Variants in SHANK2 observed in about 807,000 individuals in gnomAD.
The protein encoded by SHANK2 is SH3 and multiple ankyrin repeat domains protein 2.
In SHANK2, 43 loss-of-function variants were observed where a neutral mutation model predicts 133.7. That is an observed-to-expected ratio of 0.32 (90% CI 0.25 to 0.41). SHANK2 has a LOEUF of 0.41. SHANK2 is among the 10% of genes least tolerant of loss of function. The pLI is 1.00. For missense variants in SHANK2, 1,994 were observed against 2,235.8 expected, an observed-to-expected ratio of 0.89 and a Z score of 2.18; for synonymous variants, 1,017 against 952.8, an observed-to-expected ratio of 1.07 and a Z score of -1.24.
chr11:71,224,236 G>A (rs1954604017), intron 2 of SHANK2, among the ~76,000 whole-genome samples: 1 of 152,158 alleles, frequency 6.6e-6, no homozygotes, highest in East Asian at 1.9e-4. Flanking sequence ...CACAGAGGAG[G>A]CGCTCAAGAA....
chr11:70,533,751 A>G (rs2135988883), intron 17 of SHANK2, among the ~76,000 whole-genome samples: 1 of 151,986 alleles, frequency 6.6e-6, no homozygotes, highest in South Asian at 2.1e-4. Flanking sequence ...TCATCCCCCT[A>G]CAAGGAAACC....
At chr11:70,777,165 A>C in intron 14 of SHANK2, among the ~76,000 whole-genome samples, 1 of 149,428 alleles carries the variant, frequency 6.7e-6, no homozygotes, top group Non-Finnish European at 1.5e-5. Context: ...CCATCCACTC[A>C]CTCACTCATC....
In SHANK2 at chr11:71,058,621, T is replaced by C. The variant is rs897733044; in HGVS notation, c.1030-2063A>G. On this transcript the variant is annotated intron_variant, in intron 9 of 25. Coordinates refer to ENST00000601538, the MANE Select transcript of SHANK2 (RefSeq NM_012309.5). ...ACACCGGGCTGGGGGCACCTTCTCCTACAGGACTCAGGGCCTCAGCGCAGG... is the reference window on the plus strand; with the variant it reads ...ACACCGGGCTGGGGGCACCTTCTCCCACAGGACTCAGGGCCTCAGCGCAGG... 5.0e-3 allele frequency among the ~76,000 whole-genome samples: 758 copies of C among 152,342 alleles called. 3 individuals are homozygous for C. Among genetic ancestry groups the C allele is most frequent in the African/African-American group, 0.017 (689 of 41,580 alleles).
intron 3 of SHANK2, among the ~76,000 whole-genome samples, chr11:71,119,941 A>T (rs1555101150): frequency 6.6e-6 from 1 of 152,168 alleles, no homozygotes; most frequent in African/African-American, 2.4e-5. Flanking sequence ...CTGACGAGAA[A>T]GTTTTCATAC....
intron 17 of SHANK2, among the ~76,000 whole-genome samples, chr11:70,518,143 C>A (rs782192972): frequency 2.6e-5 from 4 of 152,208 alleles, no homozygotes; most frequent in African/African-American, 7.2e-5. Context: ...CCAGCGTCAG[C>A]CACTGCTGGC....
intron 14 of SHANK2, among the ~76,000 whole-genome samples, chr11:70,772,707 T>C (rs1354586376): frequency 6.6e-6 from 1 of 152,084 alleles, no homozygotes; most frequent in African/African-American, 2.4e-5. Context: ...TGAGTAAACA[T>C]ACATAATGGA....
intron 11 of SHANK2, among the ~76,000 whole-genome samples, chr11:70,846,339 C>CT (rs1565357659): frequency 2.0e-5 from 3 of 152,204 alleles, no homozygotes; most frequent in Non-Finnish European, 4.4e-5. Flanking sequence ...TCTCAGCTCA[C>CT]TGCAGCCTCA....
At chr11:71,240,896 C>A (rs782671720) in intron 1 of SHANK2, 1 of 152,054 alleles carries the variant, frequency 6.6e-6, no homozygotes, top group Non-Finnish European at 1.5e-5. Flanking sequence ...GCTGAGTGGT[C>A]GATGAACCGG....
At position 71,070,390 on chromosome 11, in the gene SHANK2, G is replaced by T. The variant is rs1951127635; in HGVS notation, c.1029+4769C>A. On this transcript the variant is annotated intron_variant, in intron 9 of 25. Coordinates refer to ENST00000601538, the MANE Select transcript of SHANK2 (RefSeq NM_012309.5). ...TCCAGAGCCTATGACCCTGCCCACT[G>T]GTTCTTGGAGGCTAGGCAAGGCTGG... is the stretch of plus-strand genomic sequence containing the variant. 2.0e-5 allele frequency among the ~76,000 whole-genome samples: 3 copies of T among 152,354 alleles called. No homozygotes were observed. In the South Asian group the frequency reaches 6.2e-4, roughly 32 times the overall value.
chr11:70,755,567 C>T (rs1565294448), intron 14 of SHANK2, among the ~76,000 whole-genome samples: 1 of 152,374 alleles, frequency 6.6e-6, no homozygotes, highest in East Asian at 1.9e-4. Flanking sequence ...CCCCGGCCTG[C>T]AGTGGTGGCA....
intron 17 of SHANK2, among the ~76,000 whole-genome samples, chr11:70,655,233 A>C (rs1591710674): frequency 6.6e-6 from 1 of 152,238 alleles, no homozygotes; most frequent in South Asian, 2.1e-4. Context: ...TAGTCACAAA[A>C]AAGTATTTGC....
At chr11:70,851,286 C>A (rs1949083374) in intron 11 of SHANK2, among the ~76,000 whole-genome samples, 1 of 152,228 alleles carries the variant, frequency 6.6e-6, no homozygotes, top group Non-Finnish European at 1.5e-5. Flanking sequence ...TTCCTGTTCT[C>A]CTGTCTTCCT....
At chr11:71,171,718 G>T (rs968898799) in intron 2 of SHANK2, among the ~76,000 whole-genome samples, 1 of 152,038 alleles carries the variant, frequency 6.6e-6, no homozygotes, top group Non-Finnish European at 1.5e-5. Flanking sequence ...ACACAGACAC[G>T]CCCACGATAA....
At chr11:70,803,458 A>G (rs1464723467) in intron 13 of SHANK2, among the ~76,000 whole-genome samples, 2 of 40,438 alleles carry the variant, frequency 4.9e-5, no homozygotes, top group East Asian at 1.4e-3. Context: ...GAAACAAACA[A>G]GAAGAAGACA....
At chr11:70,521,424 T>C (rs1804695033) in intron 17 of SHANK2, among the ~76,000 whole-genome samples, 1 of 152,234 alleles carries the variant, frequency 6.6e-6, no homozygotes, top group Non-Finnish European at 1.5e-5. Context: ...ATTTCTATTA[T>C]TTTGTTTTGG....
chr11:70,480,212 G>A (rs2058716070), intron 25 of SHANK2, among the ~76,000 whole-genome samples: 1 of 152,164 alleles, frequency 6.6e-6, no homozygotes. Context: ...CTGGCCTCAG[G>A]GCCTTGTACT....
chr11:70,904,675 T>C (rs913464361), intron 10 of SHANK2, among the ~76,000 whole-genome samples: 8 of 152,018 alleles, frequency 5.3e-5, no homozygotes, highest in African/African-American at 1.9e-4. Flanking sequence ...ACCTGGCTAA[T>C]TTTTCTAGTT....
intron 17 of SHANK2, among the ~76,000 whole-genome samples, chr11:70,647,957 A>C (rs1471993281): frequency 6.6e-6 from 1 of 152,270 alleles, no homozygotes; most frequent in Non-Finnish European, 1.5e-5. Context: ...AACTGGTACA[A>C]AAACGTTTAT....
At position 71,060,095 on chromosome 11, in the gene SHANK2, C is replaced by G. The variant is rs981865440; in HGVS notation, c.1030-3537G>C. On this transcript the variant is annotated intron_variant, in intron 9 of 25. Transcript: ENST00000601538. ...AGCAAAACCACCATGGTTTCCCCAC[C>G]CTCTGACACAGTGGTTCTCAACCGG... Among the ~76,000 whole-genome samples, 852 of 152,322 alleles carry G rather than the reference C, an allele frequency of 5.6e-3. 5 individuals are homozygous for G. The highest frequency in any genetic ancestry group is 0.01 in the Non-Finnish European group (685 of 68,026).
Sources: gnomAD v4.1 joint callset for allele counts (sites outside exome capture counted in the v4.1 genomes callset) on GRCh38, gnomAD v4.1.1 for gene constraint, MANE v1.5 for transcripts, NCBI Gene and HGNC (gene_info 2026-07-23, HGNC 2026-07-21) for gene names.